ANKRD44: variants seen among roughly 807,000 people sequenced by gnomAD.
ANKRD44 encodes ankyrin repeat domain 44.
In ANKRD44, 35 loss-of-function variants were observed where a neutral mutation model predicts 116.0. The ratio of observed to expected loss-of-function variants is 0.30; its 90% CI spans 0.23 to 0.40. ANKRD44 has a LOEUF of 0.40. Ranked by LOEUF, ANKRD44 falls within the 10% of genes least tolerant of loss-of-function variation. The pLI, the probability that ANKRD44 is intolerant of heterozygous loss-of-function variation, is 1.00. For synonymous variants in ANKRD44, 435 were observed against 461.8 expected, an observed-to-expected ratio of 0.94 and a Z score of 0.74; for missense variants, 1,014 against 1,242.6, an observed-to-expected ratio of 0.82 and a Z score of 2.77.
At chr2:196,970,129 G>T (rs545576753) in intron 21 of ANKRD44, among the ~76,000 whole-genome samples, 1 of 152,252 alleles carries the variant, frequency 6.6e-6, no homozygotes, top group African/African-American at 2.4e-5. Context: ...GTTAAAGCCC[G>T]TTTACTCTCT....
At chr2:197,205,579 A>G (rs1224064141) in intron 1 of ANKRD44, among the ~76,000 whole-genome samples, 3 of 152,204 alleles carry the variant, frequency 2.0e-5, no homozygotes, top group African/African-American at 7.2e-5. Context: ...TGCTAGTTCA[A>G]CTATGCCATA....
At chr2:197,255,775 T>C (rs1480700509) in intron 1 of ANKRD44, among the ~76,000 whole-genome samples, 1 of 152,186 alleles carries the variant, frequency 6.6e-6, no homozygotes. Flanking sequence ...CCAGAGCCAG[T>C]AGGGCTGGAG....
intron 1 of ANKRD44, among the ~76,000 whole-genome samples, chr2:197,268,797 A>T (rs1314071156): frequency 1.3e-5 from 2 of 152,220 alleles, no homozygotes; most frequent in Non-Finnish European, 2.9e-5. Flanking sequence ...CACTCCGCAG[A>T]ACTGGGAATC....
chr2:197,249,107 C>CA (rs1227023983), intron 1 of ANKRD44, among the ~76,000 whole-genome samples: 5 of 151,334 alleles, frequency 3.3e-5, no homozygotes, highest in Admixed American at 6.6e-5. Flanking sequence ...CCCATCTCTA[C>CA]AAAAAAAATA....
chr2:197,122,317 CT>C (rs1312301384), intron 7 of ANKRD44, among the ~76,000 whole-genome samples: 1 of 152,154 alleles, frequency 6.6e-6, no homozygotes, highest in Admixed American at 6.5e-5. Context: ...TTCATTTCTG[CT>C]GTAAGTCATG....
intron 11 of ANKRD44, among the ~76,000 whole-genome samples, chr2:197,089,477 T>A (rs2077995100): frequency 6.6e-6 from 1 of 152,162 alleles, no homozygotes; most frequent in African/African-American, 2.4e-5. Context: ...AAAATTGAAA[T>A]TAAACCTAGT....
At chr2:197,015,517 T>C in intron 17 of ANKRD44, 1 of 481,414 alleles carries the variant, frequency 2.1e-6, no homozygotes, top group Non-Finnish European at 3.8e-6. Context: ...GTCTGCTGGA[T>C]TGCAGAGAGG....
intron 1 of ANKRD44, among the ~76,000 whole-genome samples, chr2:197,245,645 T>A (rs2082174506): frequency 1.3e-5 from 2 of 152,242 alleles, no homozygotes; most frequent in Non-Finnish European, 2.9e-5. Context: ...ACAGCAAAGC[T>A]GTTTGTAGGG....
intron 1 of ANKRD44, chr2:197,302,438 G>A (rs2083940123): frequency 6.6e-6 from 1 of 152,164 alleles, no homozygotes; most frequent in Non-Finnish European, 1.5e-5. Context: ...TAGCAAATAA[G>A]ATGTACTAAA....
intron 7 of ANKRD44, among the ~76,000 whole-genome samples, 159 bp from the exon 8 acceptor site, chr2:197,121,703 T>C (rs1264839959): frequency 2.0e-5 from 3 of 152,224 alleles, no homozygotes; most frequent in Admixed American, 1.3e-4. Flanking sequence ...ATCTTGGGAA[T>C]GCTTGTCACC....
chr2:197,239,472 T>C (rs1002526053), intron 1 of ANKRD44, among the ~76,000 whole-genome samples: 6 of 152,194 alleles, frequency 3.9e-5, no homozygotes, highest in African/African-American at 1.4e-4. Flanking sequence ...CTCAGCCATC[T>C]GCCCACTTTG....
At chr2:197,228,825 C>T (rs557137315) in intron 1 of ANKRD44, among the ~76,000 whole-genome samples, 1 of 152,320 alleles carries the variant, frequency 6.6e-6, no homozygotes, top group Admixed American at 6.5e-5. Context: ...CACCTGAGGT[C>T]AGGAGTTTGA....
chr2:197,058,397 C>CTT (rs34959135), intron 16 of ANKRD44, among the ~76,000 whole-genome samples: 7,018 of 142,150 alleles, frequency 0.049, 221 homozygotes, highest in Middle Eastern at 0.087. Context: ...GGCTGTGAAT[C>CTT]TTTTTTTTTT....
At chr2:196,999,678 C>T (rs1388569125) in intron 23 of ANKRD44, among the ~76,000 whole-genome samples, 1 of 152,044 alleles carries the variant, frequency 6.6e-6, no homozygotes, top group Non-Finnish European at 1.5e-5. Context: ...ACTGCAACCT[C>T]TGCCTCATGG....
At chr2:197,232,607 C>T (rs996114572) in intron 1 of ANKRD44, among the ~76,000 whole-genome samples, 1 of 152,192 alleles carries the variant, frequency 6.6e-6, no homozygotes, top group Non-Finnish European at 1.5e-5. Flanking sequence ...TTTTTAATCA[C>T]TTGTGCAAGT....
At chr2:197,067,284 C>G (rs2077455200) in intron 16 of ANKRD44, among the ~76,000 whole-genome samples, 1 of 152,060 alleles carries the variant, frequency 6.6e-6, no homozygotes, top group Non-Finnish European at 1.5e-5. Flanking sequence ...AAAATTAATT[C>G]AAGATGGATT....
At chr2:197,075,448 T>G (rs1315584256) in intron 16 of ANKRD44, among the ~76,000 whole-genome samples, 2 of 152,258 alleles carry the variant, frequency 1.3e-5, no homozygotes, top group East Asian at 3.9e-4. Context: ...CCACTTTGCT[T>G]TGATATTTTG....
chr2:197,136,557 C>G, intron 4 of ANKRD44, 35 bp downstream of exon 4: 2 of 1,586,284 alleles, frequency 1.3e-6, no homozygotes, highest in Non-Finnish European at 1.7e-6. Flanking sequence ...TTTCTAGGCA[C>G]AGTAGGTATT....
intron 1 of ANKRD44, among the ~76,000 whole-genome samples, chr2:197,216,144 A>G (rs1205517213): frequency 6.6e-6 from 1 of 152,216 alleles, no homozygotes. Flanking sequence ...GAGGATCAAA[A>G]GAGTAACTCA....
Sources: gnomAD v4.1 joint callset for allele counts (sites outside exome capture counted in the v4.1 genomes callset) on GRCh38, gnomAD v4.1.1 for gene constraint, MANE v1.5 for transcripts, NCBI Gene and HGNC (gene_info 2026-07-23, HGNC 2026-07-21) for gene names.